SH3RF3: variants seen among roughly 807,000 people sequenced by gnomAD.
The protein encoded by SH3RF3 is SH3 domain containing ring finger 3, also known as E3 ubiquitin-protein ligase SH3RF3.
SH3RF3 carries 29 observed loss-of-function variants against 66.3 expected under a neutral mutation model. That is an observed-to-expected ratio of 0.44 (90% CI 0.33 to 0.60). SH3RF3 has a LOEUF of 0.60. Among genes scored for constraint, SH3RF3 ranks in the 20% least tolerant of loss-of-function variants. SH3RF3 has a pLI of 0.04. For missense variants in SH3RF3, 1,194 were observed against 1,190.9 expected, an observed-to-expected ratio of 1.00 and a Z score of -0.04; for synonymous variants, 583 against 532.0, an observed-to-expected ratio of 1.10 and a Z score of -1.32.
intron 8 of SH3RF3, among the ~76,000 whole-genome samples, chr2:109,464,528 G>A (rs1419387625): frequency 6.6e-6 from 1 of 152,100 alleles, no homozygotes; most frequent in Non-Finnish European, 1.5e-5. Context: ...ACATAGCCTT[G>A]CATACATACA....
intron 1 of SH3RF3, among the ~76,000 whole-genome samples, chr2:109,155,155 G>A (rs1053974986): frequency 6.6e-6 from 1 of 152,202 alleles, no homozygotes; most frequent in Non-Finnish European, 1.5e-5. Context: ...ATGTTCGGTG[G>A]TGTTCGGCAT....
chr2:109,283,380 C>T (rs1168999924), intron 1 of SH3RF3, among the ~76,000 whole-genome samples: 1 of 152,130 alleles, frequency 6.6e-6, no homozygotes, highest in Non-Finnish European at 1.5e-5. Context: ...CACCTCACTG[C>T]GTTGAAATTG....
chr2:109,237,070 T>C (rs1357626332), intron 1 of SH3RF3, among the ~76,000 whole-genome samples: 2 of 152,078 alleles, frequency 1.3e-5, no homozygotes, highest in East Asian at 3.9e-4. Flanking sequence ...CTGCAAACAA[T>C]GTTAAAATAA....
At chr2:109,199,632 T>TCAACGCGA in intron 1 of SH3RF3, among the ~76,000 whole-genome samples, 1 of 68 alleles carries the variant, frequency 0.015, no homozygotes, top group Non-Finnish European at 0.042. Flanking sequence ...TGGAATGGAA[T>TCAACGCGA]GGAATGGAAT....
intron 1 of SH3RF3, among the ~76,000 whole-genome samples, chr2:109,185,442 G>A (rs1003717480): frequency 2.0e-5 from 3 of 152,206 alleles, no homozygotes; most frequent in Admixed American, 6.5e-5. Flanking sequence ...GATCCGAAGA[G>A]GCAAGTTAAT....
intron 1 of SH3RF3, among the ~76,000 whole-genome samples, chr2:109,152,639 C>T (rs58891732): frequency 0.031 from 4,659 of 152,236 alleles, 221 homozygotes; most frequent in African/African-American, 0.1. Flanking sequence ...TCTCTTTAAA[C>T]GGCATTATTT....
At chr2:109,331,977 G>C (rs1026601597) in intron 1 of SH3RF3, among the ~76,000 whole-genome samples, 1 of 152,188 alleles carries the variant, frequency 6.6e-6, no homozygotes, top group African/African-American at 2.4e-5. Context: ...TGCTGTGACT[G>C]TCTGTGACTA....
intron 1 of SH3RF3, among the ~76,000 whole-genome samples, chr2:109,324,579 T>C (rs1338148947): frequency 6.6e-6 from 1 of 152,240 alleles, no homozygotes; most frequent in Non-Finnish European, 1.5e-5. Context: ...ACCAGGTTGA[T>C]GATCTGTTGA....
chr2:109,334,972 G>A (rs1171478331), intron 1 of SH3RF3, among the ~76,000 whole-genome samples: 1 of 152,246 alleles, frequency 6.6e-6, no homozygotes, highest in Non-Finnish European at 1.5e-5. Context: ...CCCAGGCCAT[G>A]CGTCCTGGTG....
intron 6 of SH3RF3, among the ~76,000 whole-genome samples, chr2:109,436,115 G>T (rs904296014): frequency 1.3e-5 from 2 of 152,194 alleles, no homozygotes; most frequent in African/African-American, 4.8e-5. Flanking sequence ...TGGCTTCTTG[G>T]TGTGTCTTGA....
At chr2:109,499,173 G>A (rs938654814) in intron 9 of SH3RF3, among the ~76,000 whole-genome samples, 2 of 152,210 alleles carry the variant, frequency 1.3e-5, no homozygotes, top group African/African-American at 2.4e-5. Flanking sequence ...CCTGCACGGA[G>A]GCCACCAGGG....
chr2:109,175,721 A>C (rs916910927), intron 1 of SH3RF3, among the ~76,000 whole-genome samples: 1 of 152,250 alleles, frequency 6.6e-6, no homozygotes, highest in African/African-American at 2.4e-5. Context: ...TAGAGTGTAC[A>C]TAAAAATGAA....
At chr2:109,396,480 T>G (rs562423484) in intron 3 of SH3RF3, among the ~76,000 whole-genome samples, 27 of 152,334 alleles carry the variant, frequency 1.8e-4, no homozygotes, top group African/African-American at 5.8e-4. Flanking sequence ...GCTCCTGTGA[T>G]CTGCTCGGCC....
At chr2:109,130,334 G>C (rs2104791904) in intron 1 of SH3RF3, among the ~76,000 whole-genome samples, 1 of 152,326 alleles carries the variant, frequency 6.6e-6, no homozygotes, top group East Asian at 1.9e-4. Flanking sequence ...CTGTGGAGTG[G>C]GCACGCCTTC....
At position 109,232,908 on chromosome 2, in the gene SH3RF3, C is replaced by T. The variant is rs116443771; in HGVS notation, c.573+102795C>T. Among the ~76,000 whole-genome samples, 135 of 152,318 alleles carry T rather than the reference C, an allele frequency of 8.9e-4. 1 individual carries two copies. The highest frequency in any genetic ancestry group is 3.1e-3 in the African/African-American group (130 of 41,582). On this transcript the variant is annotated intron_variant, in intron 1 of 9. Transcript: ENST00000309415. Reference sequence around the variant, plus strand: ...TTACAGTTCTGTGAGTTTTGACAAACAACTGCAGTTGAGTGAGCACCACTG... The same window carrying T: ...TTACAGTTCTGTGAGTTTTGACAAATAACTGCAGTTGAGTGAGCACCACTG...
intron 1 of SH3RF3, among the ~76,000 whole-genome samples, chr2:109,249,495 TTC>T (rs200857572): frequency 1.8e-3 from 44 of 24,928 alleles, no homozygotes; most frequent in African/African-American, 0.013. Context: ...CTTTCTTTCT[TTC>T]TTTCTTTCTT....
At chr2:109,479,810 A>G (rs530721774) in intron 8 of SH3RF3, among the ~76,000 whole-genome samples, 4 of 152,270 alleles carry the variant, frequency 2.6e-5, no homozygotes, top group African/African-American at 7.2e-5. Context: ...CAGACCCCCA[A>G]AACCATCCAC....
chr2:109,395,711 CCAGTGCT>C (rs1676124342), intron 3 of SH3RF3, among the ~76,000 whole-genome samples: 1 of 152,152 alleles, frequency 6.6e-6, no homozygotes, highest in African/African-American at 2.4e-5. Context: ...TGGTGGCCGC[CCAGTGCT>C]CAGTGACCTG....
intron 2 of SH3RF3, among the ~76,000 whole-genome samples, chr2:109,367,110 G>C (rs1683164640): frequency 7.0e-6 from 1 of 142,358 alleles, no homozygotes; most frequent in Non-Finnish European, 1.5e-5. Context: ...ATGCCACTGT[G>C]CCCTGGTAAT....
Sources: allele counts gnomAD v4.1 joint callset (sites outside exome capture counted in the v4.1 genomes callset), GRCh38; gene constraint gnomAD v4.1.1; transcripts MANE v1.5; gene names NCBI Gene and HGNC (gene_info 2026-07-23, HGNC 2026-07-21).